Variants in ATP6V1H observed in about 807,000 individuals in gnomAD.
ATP6V1H encodes V-type proton ATPase subunit H.
In ATP6V1H, 39 loss-of-function variants were observed where a neutral mutation model predicts 71.7. The ratio of observed to expected loss-of-function variants is 0.54; its 90% CI spans 0.42 to 0.71. ATP6V1H has a LOEUF of 0.71. ATP6V1H is among the 30% of genes least tolerant of loss of function. The pLI, the probability that ATP6V1H is intolerant of heterozygous loss-of-function variation, is 0.00. For missense variants in ATP6V1H, 509 were observed against 594.9 expected, an observed-to-expected ratio of 0.86 and a Z score of 1.50; for synonymous variants, 192 against 199.3, an observed-to-expected ratio of 0.96 and a Z score of 0.31.
In ATP6V1H at chr8:53,771,966, GA is replaced by G. The variant is rs540667873; in HGVS notation, c.1049+22del. On this transcript the variant is annotated intron_variant, in intron 10 of 13. Transcript: ENST00000359530. ...ACAAAGCCCAACAGATCCAGCACATGAGAATTAAAAAGAATAACACACCTAA... is the reference window on the plus strand; with the variant it reads ...ACAAAGCCCAACAGATCCAGCACATGGAATTAAAAAGAATAACACACCTAA... The G allele has an allele frequency of 7.8e-5, 124 of 1,596,832 alleles. No homozygotes were observed. The African/African-American group carries it at 1.3e-3, about 16-fold the overall frequency.
intron 9 of ATP6V1H, among the ~76,000 whole-genome samples, chr8:53,774,670 A>G (rs1808798716): frequency 6.6e-6 from 1 of 152,180 alleles, no homozygotes; most frequent in Non-Finnish European, 1.5e-5. Flanking sequence ...AACGAACAAA[A>G]GGTAGCAGAA....
chr8:53,780,658 A>G (rs1809082525), intron 9 of ATP6V1H, among the ~76,000 whole-genome samples: 1 of 152,120 alleles, frequency 6.6e-6, no homozygotes, highest in African/African-American at 2.4e-5. Flanking sequence ...GTCATTTAGC[A>G]TTAGGTATAT....
intron 12 of ATP6V1H, among the ~76,000 whole-genome samples, chr8:53,751,081 C>G (rs912881275): frequency 6.6e-6 from 1 of 152,080 alleles, no homozygotes; most frequent in Non-Finnish European, 1.5e-5. Flanking sequence ...GAGCTGGGAT[C>G]TGAAAACCAA....
At chr8:53,805,750 C>A (rs1016742911) in intron 7 of ATP6V1H, among the ~76,000 whole-genome samples, 3 of 152,132 alleles carry the variant, frequency 2.0e-5, no homozygotes, top group African/African-American at 7.2e-5. Flanking sequence ...TAGAAGCAAC[C>A]CAAATATCCA....
chr8:53,757,384 G>A (rs889954880), intron 11 of ATP6V1H, among the ~76,000 whole-genome samples: 2 of 152,272 alleles, frequency 1.3e-5, no homozygotes, highest in East Asian at 1.9e-4. Context: ...GGGAGTGAAA[G>A]GGGAGGGAGA....
chr8:53,745,296 G>C (rs1307260609), intron 12 of ATP6V1H, among the ~76,000 whole-genome samples: 1 of 152,116 alleles, frequency 6.6e-6, no homozygotes, highest in Non-Finnish European at 1.5e-5. Flanking sequence ...AGCTACTTGA[G>C]AGGCTGAGGT....
At chr8:53,840,623 GC>G (rs1209906236) in intron 2 of ATP6V1H, among the ~76,000 whole-genome samples, 2 of 152,100 alleles carry the variant, frequency 1.3e-5, no homozygotes, top group Admixed American at 1.3e-4. Context: ...CTGGAAAAAT[GC>G]CTCAAACTTG....
intron 2 of ATP6V1H, among the ~76,000 whole-genome samples, chr8:53,841,270 A>T (rs996787383): frequency 1.3e-5 from 2 of 152,124 alleles, no homozygotes; most frequent in Admixed American, 6.5e-5. Context: ...TTTGCCCCTC[A>T]TCCCCTTCCT....
At chr8:53,832,906 T>G (rs1414206799) in intron 3 of ATP6V1H, 78 bp downstream of exon 3, 1 of 875,334 alleles carries the variant, frequency 1.1e-6, no homozygotes, top group Non-Finnish European at 1.8e-6. Flanking sequence ...AAACTGGAAG[T>G]CACTTATAAT....
At chr8:53,785,859 C>T (rs187787850) in intron 9 of ATP6V1H, among the ~76,000 whole-genome samples, 5 of 151,718 alleles carry the variant, frequency 3.3e-5, no homozygotes, top group South Asian at 2.1e-4. Flanking sequence ...AGCGGATATT[C>T]GTGAACCACA....
intron 2 of ATP6V1H, among the ~76,000 whole-genome samples, chr8:53,838,422 TGTGA>T (rs1203158207): frequency 2.6e-5 from 4 of 152,174 alleles, no homozygotes; most frequent in Admixed American, 6.5e-5. Flanking sequence ...CCTGGCCACC[TGTGA>T]GTGTCTTTAT....
intron 2 of ATP6V1H, chr8:53,839,487 A>G: frequency 1.8e-6 from 1 of 540,910 alleles, no homozygotes; most frequent in Non-Finnish European, 2.4e-6. Flanking sequence ...TCCAGAAGTC[A>G]TCCAAGACTT....
chr8:53,779,067 G>C (rs930888538), intron 9 of ATP6V1H, among the ~76,000 whole-genome samples: 1 of 152,108 alleles, frequency 6.6e-6, no homozygotes, highest in Non-Finnish European at 1.5e-5. Flanking sequence ...TGACAAAACT[G>C]CAGGAAGAAA....
In ATP6V1H at chr8:53,758,586, G is replaced by A. The variant is rs549772896; in HGVS notation, c.1176-1930C>T. Among the ~76,000 whole-genome samples the A allele has an allele frequency of 9.2e-4, 140 of 152,326 alleles. 1 individual carries two copies. The South Asian group carries it at 0.029, about 31-fold the overall frequency. On this transcript the variant is annotated intron_variant, in intron 11 of 13. Coordinates refer to ENST00000359530, the MANE Select transcript of ATP6V1H (RefSeq NM_015941.4). ...TTCTTTTTCCCTTAAAAGCCCACTT[G>A]TAACTGCTACTAATTGGAGTGCATA...
intron 2 of ATP6V1H, chr8:53,839,939 C>G: frequency 1.0e-6 from 1 of 985,602 alleles, no homozygotes; most frequent in Non-Finnish European, 1.2e-6. Flanking sequence ...CTGGCTGCCT[C>G]TCTAGCCTCA....
In ATP6V1H at chr8:53,814,644, T is replaced by C; in HGVS notation, c.525+18A>G. 9.1e-6 allele frequency: 13 copies of C among 1,431,620 alleles called. No homozygotes were observed. The highest frequency in any genetic ancestry group is 1.2e-5 in the Non-Finnish European group (12 of 1,023,356). The allele number at this position is 1,431,620 out of a possible 1,614,324, so 88.7% of individuals were successfully genotyped here. A position where few individuals can be genotyped will look rare whatever the true frequency, so the allele number is the denominator to read the frequency against. On this transcript the variant is annotated intron_variant, in intron 6 of 13. Coordinates refer to ENST00000359530, the MANE Select transcript of ATP6V1H (RefSeq NM_015941.4). ...TGTTATATTCCTTTCAAAGGTACTTTAAAAAATTTTCTTTTACCTGTGAAC... is the reference window on the plus strand; with the variant it reads ...TGTTATATTCCTTTCAAAGGTACTTCAAAAAATTTTCTTTTACCTGTGAAC...
intron 12 of ATP6V1H, among the ~76,000 whole-genome samples, chr8:53,754,815 T>C (rs1807940336): frequency 6.6e-6 from 1 of 152,222 alleles, no homozygotes; most frequent in Admixed American, 6.5e-5. Context: ...AGCTGGATGA[T>C]AAACCTTAGG....
At position 53,738,861 on chromosome 8, in the gene ATP6V1H, T is replaced by C. The variant is rs183768933; in HGVS notation, c.1391+4716A>G. On this transcript the variant is annotated intron_variant, in intron 13 of 13. Coordinates refer to ENST00000359530, the MANE Select transcript of ATP6V1H (RefSeq NM_015941.4). ...CTTGCAAAGAAGCAGCAACCTTCGA[T>C]TGGGAGGCTGAATTACCAGTTGATA... Among the ~76,000 whole-genome samples, 17 of 152,314 alleles carry C rather than the reference T, an allele frequency of 1.1e-4. No homozygotes were observed. The East Asian group carries it at 3.3e-3, about 29-fold the overall frequency.
At chr8:53,736,916 C>T (rs1185796188) in intron 13 of ATP6V1H, among the ~76,000 whole-genome samples, 3 of 152,236 alleles carry the variant, frequency 2.0e-5, no homozygotes, top group Non-Finnish European at 2.9e-5. Context: ...TAAAAATCAA[C>T]CCCTGACGTA....
Sources: gnomAD v4.1 joint callset for allele counts (sites outside exome capture counted in the v4.1 genomes callset) on GRCh38, gnomAD v4.1.1 for gene constraint, MANE v1.5 for transcripts, NCBI Gene and HGNC (gene_info 2026-07-23, HGNC 2026-07-21) for gene names.